The following SETX variants were observed in gnomAD, a reference collection of about 807,000 sequenced individuals.
The protein encoded by SETX is helicase senataxin.
SETX carries 90 observed loss-of-function variants against 227.2 expected under a neutral mutation model. The ratio of observed to expected loss-of-function variants is 0.40; its 90% CI spans 0.33 to 0.47. SETX has a LOEUF of 0.47. SETX is among the 20% of genes least tolerant of loss of function. The pLI is 0.91. For synonymous variants in SETX, 1,210 were observed against 1,113.2 expected, an observed-to-expected ratio of 1.09 and a Z score of -1.73; for missense variants, 3,052 against 3,181.5, an observed-to-expected ratio of 0.96 and a Z score of 0.98.
chr9:132,296,572 A>C (rs1363377808), intron 14 of SETX, among the ~76,000 whole-genome samples: 3 of 151,876 alleles, frequency 2.0e-5, no homozygotes, highest in African/African-American at 7.3e-5. Flanking sequence ...AAAAAAAAAA[A>C]CAAAAAACCA....
At chr9:132,345,061 AC>A (rs1564566683) in intron 4 of SETX, among the ~76,000 whole-genome samples, 2 of 152,034 alleles carry the variant, frequency 1.3e-5, no homozygotes, top group Admixed American at 6.6e-5. Context: ...TTTATACCTC[AC>A]CCCCCAAAAG....
At chr9:132,289,270 C>G (rs911049683) in intron 15 of SETX, among the ~76,000 whole-genome samples, 6 of 152,196 alleles carry the variant, frequency 3.9e-5, no homozygotes, top group African/African-American at 9.7e-5. Flanking sequence ...CTCCCCACAG[C>G]TGCTCTCTGA....
chr9:132,297,225 T>C (rs1210404371), intron 13 of SETX, among the ~76,000 whole-genome samples, 171 bp from the exon 14 acceptor site: 1 of 152,212 alleles, frequency 6.6e-6, no homozygotes, highest in Non-Finnish European at 1.5e-5. Context: ...AAAAGCACGT[T>C]CACTACTGGA....
intron 24 of SETX, among the ~76,000 whole-genome samples, chr9:132,270,301 AC>A (rs1564469888): frequency 6.8e-6 from 1 of 147,134 alleles, no homozygotes; most frequent in African/African-American, 2.6e-5. Context: ...ACACAGGTAG[AC>A]TCTAGAATGA....
In SETX at chr9:132,327,679, C is replaced by T; in HGVS notation, c.3919G>A (p.Val1307Ile). ...YELSQRSLDY[V>I]AQLRDHGKTV... ...TTGCCATGATCACGTAATTGAGCTA[C>T]ATAATCCAAAGACCGCTGGGACAAC... The change falls in exon 10 of 26, where the codon GTA (valine) becomes ATA (isoleucine). Residue 1307 changes from valine to isoleucine, a missense_variant. Around this residue, in one of 10 missense-constraint regions of SETX, gnomAD observed 1,483 missense variants for 1,312.0 expected, o/e 1.13. Coordinates refer to ENST00000224140, the MANE Select transcript of SETX (RefSeq NM_015046.7). 6.2e-7 allele frequency: 1 copy of T among 1,613,904 alleles called. No homozygotes were observed. The highest frequency in any genetic ancestry group is 1.1e-5 in the South Asian group (1 of 91,060).
In SETX at chr9:132,328,282, C is replaced by T. The variant is rs757976415; in HGVS notation, c.3316G>A (p.Gly1106Ser). The change falls in exon 10 of 26, where the codon GGT (glycine) becomes AGT (serine). Residue 1106 changes from glycine (G) to serine (S), a missense_variant. Physicochemically the swap from Gly to Ser is moderately conservative, Grantham distance 56. This residue lies in a region of SETX where 1,483 missense variants were observed against 1,312.0 expected (regional missense o/e 1.13). Transcript: ENST00000224140. The stretch of plus-strand genomic sequence containing the variant: ...ATAGGAGCCAAACATTTTTTCTCAC[C>T]ATCTTGAACTGAATTATTATCGTCT... The part of the protein sequence containing the change: ...HPDDNNSVQD[G>S]EKKCLAPIAN... The T allele has an allele frequency of 3.1e-6, 5 of 1,613,908 alleles. No homozygotes were observed. The highest frequency in any genetic ancestry group is 4.2e-6 in the Non-Finnish European group (5 of 1,179,960).
At chr9:132,268,658 T>C (rs939226312) in intron 25 of SETX, among the ~76,000 whole-genome samples, 6 of 152,242 alleles carry the variant, frequency 3.9e-5, no homozygotes, top group Admixed American at 2.6e-4. Context: ...AATATTGCTT[T>C]CTATTCCACT....
rs1008595766 is a variant in SETX, at chr9:132,326,669, G to A, written c.4929C>T (p.Leu1643=). The change falls in exon 10 of 26, where the codon CTC becomes CTT. Residue 1643 remains leucine, a synonymous_variant. Transcript: ENST00000224140. ...SILKVPQPVP[L]IAQKPVGEMK... is the part of the protein sequence containing the mutation. The stretch of plus-strand genomic sequence containing the variant: ...TTTCACCAACTGGCTTCTGAGCTAT[G>A]AGGGGAACTGGCTGTGGTACTTTCA... 1.2e-6 allele frequency: 2 copies of A among 1,614,084 alleles called. No homozygotes were observed. The highest frequency in any genetic ancestry group is 2.7e-5 in the African/African-American group (2 of 74,928).
chr9:132,314,412 A>T (rs533787673), intron 10 of SETX, among the ~76,000 whole-genome samples: 1 of 151,806 alleles, frequency 6.6e-6, no homozygotes, highest in Non-Finnish European at 1.5e-5. Context: ...TTTAGTAGAG[A>T]CAGCGTTTCA....
Position 132,278,113 on chromosome 9 carries a change from A to G in SETX, c.6799T>C (p.Phe2267Leu). The G allele has an allele frequency of 6.2e-7, 1 of 1,614,124 alleles. No homozygotes were observed. Among genetic ancestry groups the G allele is most frequent in the Non-Finnish European group, 8.5e-7 (1 of 1,179,994 alleles). ...QYRMHPDICL[F>L]PSNYVYNRNL... is the part of the protein sequence containing the mutation. ...CTGTTATAAACATAATTAGAAGGGA[A>G]GAGGCATATGTCTGGATGCATCCTG... The change falls in exon 21 of 26, where the codon TTC (phenylalanine) becomes CTC (leucine). Residue 2267 changes from phenylalanine (F) to leucine (L), a missense_variant. Coordinates refer to ENST00000224140, the MANE Select transcript of SETX (RefSeq NM_015046.7).
chr9:132,323,182 A>G (rs1389114163), intron 10 of SETX, among the ~76,000 whole-genome samples: 4 of 152,230 alleles, frequency 2.6e-5, no homozygotes, highest in Non-Finnish European at 5.9e-5. Flanking sequence ...ACCCAACCCA[A>G]GGATAAGGAC....
intron 15 of SETX, 85 bp from the exon 16 acceptor site, chr9:132,288,736 A>T: frequency 1.1e-6 from 1 of 902,652 alleles, no homozygotes; most frequent in African/African-American, 1.7e-5. Flanking sequence ...ATTTCTAAGT[A>T]AATATGTTAA....
intron 18 of SETX, among the ~76,000 whole-genome samples, chr9:132,283,920 C>T (rs182285588): frequency 6.6e-5 from 10 of 152,278 alleles, no homozygotes; most frequent in Admixed American, 3.3e-4. Flanking sequence ...CAGTAAGGAA[C>T]AGTCTGGTCT....
intron 16 of SETX, 47 bp from the exon 17 acceptor site, chr9:132,288,398 C>G: frequency 1.4e-6 from 2 of 1,472,758 alleles, no homozygotes; most frequent in Non-Finnish European, 1.9e-6. Flanking sequence ...CTAATTCTAA[C>G]AAACTCACAC....
intron 5 of SETX, among the ~76,000 whole-genome samples, chr9:132,341,429 G>A (rs977370746): frequency 6.6e-6 from 1 of 152,060 alleles, no homozygotes; most frequent in Non-Finnish European, 1.5e-5. Context: ...CCGACAGGGA[G>A]GAATTCTGTG....
rs1843497551 is a variant in SETX at position 132,281,455 on chromosome 9, TAAA to T, written c.6654+9_6654+11del. ...CTTCCATTTTAAAGCAATCTGAACA[TAAA>T]AAACTTACCATAGAGATGACTGTCG... On this transcript the variant is annotated intron_variant, in intron 20 of 25. Coordinates refer to ENST00000224140, the MANE Select transcript of SETX (RefSeq NM_015046.7). 2.5e-6 allele frequency: 4 copies of T among 1,597,766 alleles called. No homozygotes were observed. The highest frequency in any genetic ancestry group is 3.4e-6 in the Non-Finnish European group (4 of 1,165,344).
At chr9:132,342,537 C>A (rs191435943) in intron 5 of SETX, among the ~76,000 whole-genome samples, 153 bp downstream of exon 5, 1 of 152,148 alleles carries the variant, frequency 6.6e-6, no homozygotes, top group Non-Finnish European at 1.5e-5. Flanking sequence ...TTCTTTGACC[C>A]CAGAGCGCCC....
In SETX at chr9:132,328,504, T is replaced by G. The variant is rs779009530; in HGVS notation, c.3094A>C (p.Lys1032Gln). The change falls in exon 10 of 26, where the codon AAA becomes CAA. Residue 1032 changes from lysine (K) to glutamine (Q), a missense_variant. By Grantham distance (53) the Lys-to-Gln change is moderately conservative (BLOSUM62 1). This residue lies in a region of SETX where 1,483 missense variants were observed against 1,312.0 expected (regional missense o/e 1.13). Transcript: ENST00000224140. ...DDDERILSLE[K>Q]LTKQDKICLE... ...CATATTTTGTCCTGTTTAGTGAGTT[T>G]CTCAAGACTCAGGATTCTTTCATCA... The G allele has an allele frequency of 1.2e-6, 2 of 1,613,968 alleles. No individual in the cohort carries two copies. Among genetic ancestry groups the G allele is most frequent in the Non-Finnish European group, 1.7e-6 (2 of 1,180,014 alleles).
At chr9:132,316,760 G>A (rs935567572) in intron 10 of SETX, among the ~76,000 whole-genome samples, 2 of 152,162 alleles carry the variant, frequency 1.3e-5, no homozygotes, top group Admixed American at 6.5e-5. Context: ...AGGAGCCAAA[G>A]GGTCTCCCAC....
Sources: allele counts gnomAD v4.1 joint callset (sites outside exome capture counted in the v4.1 genomes callset), GRCh38; gene constraint gnomAD v4.1.1; regional missense constraint gnomAD v4.1.1; transcripts MANE v1.5; gene names NCBI Gene and HGNC (gene_info 2026-07-23, HGNC 2026-07-21).